GRIP1: variants seen among roughly 807,000 people sequenced by gnomAD.
GRIP1 encodes the protein glutamate receptor interacting protein 1.
GRIP1 carries 45 observed loss-of-function variants against 129.9 expected under a neutral mutation model. The observed-to-expected ratio is 0.35, with a 90% CI of 0.27 to 0.44. The LOEUF is 0.44. Among genes scored for constraint, GRIP1 ranks in the 20% least tolerant of loss-of-function variants. GRIP1 has a pLI of 1.00. For missense variants in GRIP1, 1,196 were observed against 1,396.8 expected (o/e 0.86, Z 2.29); for synonymous variants, 530 against 520.8 (o/e 1.02, Z -0.24).
Position 66,886,190 on chromosome 12 carries a change from C to T in GRIP1, c.58+182860G>A, listed in dbSNP as rs147415931. Among the ~76,000 whole-genome samples the T allele has an allele frequency of 6.3e-3, 960 of 152,062 alleles. 7 individuals are homozygous for T. Among genetic ancestry groups the T allele is most frequent in the African/African-American group, 0.022 (911 of 41,474 alleles). ...CTGAGGCAGGAGGATCATTTGAACC[C>T]GGGAGTTGGAGGTTGCAGTGAGCAG... On this transcript the variant is annotated intron_variant, in intron 1 of 1. Transcript: ENST00000643019.
At chr12:66,729,487 A>G (rs2036361669) in intron 1 of GRIP1, among the ~76,000 whole-genome samples, 1 of 152,232 alleles carries the variant, frequency 6.6e-6, no homozygotes, top group Non-Finnish European at 1.5e-5. Flanking sequence ...AAGGACTATT[A>G]TATCTTCCAA....
chr12:67,044,948 T>A (rs1267389677), intron 1 of GRIP1, among the ~76,000 whole-genome samples: 1 of 152,200 alleles, frequency 6.6e-6, no homozygotes, highest in Non-Finnish European at 1.5e-5. Flanking sequence ...GAAGGTATGA[T>A]CACTAATCTC....
At chr12:66,395,615 C>A (rs1044743064) in intron 16 of GRIP1, among the ~76,000 whole-genome samples, 1 of 152,160 alleles carries the variant, frequency 6.6e-6, no homozygotes, top group African/African-American at 2.4e-5. Flanking sequence ...TCACTTCTGG[C>A]CATAGATTGG....
At chr12:66,701,724 A>G in intron 1 of GRIP1, among the ~76,000 whole-genome samples, 1 of 152,152 alleles carries the variant, frequency 6.6e-6, no homozygotes, top group East Asian at 1.9e-4. Flanking sequence ...GCTCTTACAT[A>G]CTAATCTGAG....
intron 1 of GRIP1, among the ~76,000 whole-genome samples, chr12:67,034,690 GAGCAGT>G (rs2043069863): frequency 6.6e-6 from 1 of 152,220 alleles, no homozygotes; most frequent in Non-Finnish European, 1.5e-5. Flanking sequence ...ACAACTGGCA[GAGCAGT>G]AGGTTTGTTT....
intron 1 of GRIP1, among the ~76,000 whole-genome samples, chr12:66,747,745 T>A (rs1217350128): frequency 6.6e-6 from 1 of 152,082 alleles, no homozygotes; most frequent in African/African-American, 2.4e-5. Flanking sequence ...TACCAACATT[T>A]TTTTCCCCCA....
At chr12:66,728,763 A>T (rs1030331673) in intron 1 of GRIP1, among the ~76,000 whole-genome samples, 5 of 152,306 alleles carry the variant, frequency 3.3e-5, no homozygotes, top group African/African-American at 1.2e-4. Flanking sequence ...GCTCTAAGTC[A>T]TTGTGGTACA....
chr12:66,753,232 T>C (rs1446395092), intron 1 of GRIP1, among the ~76,000 whole-genome samples: 2 of 152,222 alleles, frequency 1.3e-5, no homozygotes, highest in African/African-American at 4.8e-5. Flanking sequence ...CTGTGTTCTC[T>C]TCTATTTGGG....
intron 1 of GRIP1, among the ~76,000 whole-genome samples, chr12:66,916,067 G>A (rs1052473724): frequency 1.9e-4 from 29 of 152,126 alleles, no homozygotes; most frequent in African/African-American, 7.0e-4. Context: ...ACGCATGTGT[G>A]GGCACACACA....
intron 1 of GRIP1, among the ~76,000 whole-genome samples, chr12:67,045,741 A>G (rs1053486163): frequency 2.0e-5 from 3 of 152,124 alleles, no homozygotes; most frequent in Admixed American, 6.6e-5. Context: ...AGTCCAGACC[A>G]CCCTGGAAGC....
chr12:66,529,428 T>A (rs963983923), intron 5 of GRIP1, among the ~76,000 whole-genome samples: 5 of 152,192 alleles, frequency 3.3e-5, no homozygotes, highest in Admixed American at 1.3e-4. Flanking sequence ...GAAACTGGTA[T>A]ACATATACAA....
intron 1 of GRIP1, among the ~76,000 whole-genome samples, chr12:66,750,574 G>A (rs1482423969): frequency 2.0e-5 from 3 of 152,192 alleles, no homozygotes; most frequent in African/African-American, 7.2e-5. Flanking sequence ...CACACTGGGT[G>A]AAGGAGGCAA....
At chr12:66,891,565 T>C (rs1733642508) in intron 1 of GRIP1, among the ~76,000 whole-genome samples, 1 of 152,138 alleles carries the variant, frequency 6.6e-6, no homozygotes, top group African/African-American at 2.4e-5. Flanking sequence ...ATCTGCATCC[T>C]CCTCATCACA....
At chr12:66,641,201 T>G (rs1320659768) in intron 1 of GRIP1, among the ~76,000 whole-genome samples, 2 of 152,176 alleles carry the variant, frequency 1.3e-5, no homozygotes, top group Non-Finnish European at 2.9e-5. Flanking sequence ...ACTGAGACAC[T>G]GTTGATGCCT....
rs866291855 is a variant in GRIP1 at position 66,348,885 on chromosome 12, G to A, written c.*134C>T. The A allele has an allele frequency of 2.6e-6, 2 of 767,830 alleles. No individual in the cohort carries two copies. Among genetic ancestry groups the A allele is most frequent in the Non-Finnish European group, 4.7e-6 (2 of 422,522 alleles). 47.6% of individuals were successfully genotyped at this position (767,830 alleles called of 1,614,324 possible). On this transcript the variant is annotated 3_prime_UTR_variant, in exon 25 of 25. Transcript: ENST00000359742. ...GGAAGTGAACATGAGCCATGAGAGA[G>A]ATTTAAAAGACCCCTGTGCTTGCAG...
chr12:66,864,135 T>C (rs945537752), intron 1 of GRIP1, among the ~76,000 whole-genome samples: 2 of 151,154 alleles, frequency 1.3e-5, no homozygotes, highest in Admixed American at 6.6e-5. Context: ...GGATCCCGAG[T>C]GGATCTCATG....
At chr12:66,534,027 CAGG>C (rs2061538691) in intron 4 of GRIP1, among the ~76,000 whole-genome samples, 1 of 152,150 alleles carries the variant, frequency 6.6e-6, no homozygotes, top group African/African-American at 2.4e-5. Flanking sequence ...TATGGACCTT[CAGG>C]TGTGGATGGC....
intron 1 of GRIP1, among the ~76,000 whole-genome samples, chr12:67,001,867 T>G (rs1425560592): frequency 6.6e-6 from 1 of 152,120 alleles, no homozygotes; most frequent in Non-Finnish European, 1.5e-5. Context: ...CTGCAGACAT[T>G]TCATGAGCAT....
chr12:66,811,345 C>T (rs774120645), intron 1 of GRIP1, among the ~76,000 whole-genome samples: 1 of 152,172 alleles, frequency 6.6e-6, no homozygotes, highest in African/African-American at 2.4e-5. Flanking sequence ...TGTATCGGAA[C>T]TCATTTTTTC....
Sources: allele counts gnomAD v4.1 joint callset (sites outside exome capture counted in the v4.1 genomes callset), GRCh38; gene constraint gnomAD v4.1.1; transcripts MANE v1.5; gene names NCBI Gene and HGNC (gene_info 2026-07-23, HGNC 2026-07-21).